NCOA1: variants seen among roughly 807,000 people sequenced by gnomAD.
NCOA1 encodes the protein Hin-2 protein.
Under a neutral mutation model 150.9 loss-of-function variants are expected in NCOA1, and 35 were observed. The ratio of observed to expected loss-of-function variants is 0.23; its 90% CI spans 0.18 to 0.31. NCOA1 has a LOEUF of 0.31. NCOA1 is among the 10% of genes least tolerant of loss of function. The pLI, the probability that NCOA1 is intolerant of heterozygous loss-of-function variation, is 1.00. For synonymous variants in NCOA1, 590 were observed against 630.0 expected, an observed-to-expected ratio of 0.94 and a Z score of 0.95; for missense variants, 1,491 against 1,749.3, an observed-to-expected ratio of 0.85 and a Z score of 2.63.
At chr2:24,761,061 T>A (rs1250509402) in intron 21 of NCOA1, among the ~76,000 whole-genome samples, 1 of 152,176 alleles carries the variant, frequency 6.6e-6, no homozygotes, top group African/African-American at 2.4e-5. Context: ...TTGGCCAGAC[T>A]GGTCTCAAAC....
chr2:24,715,617 A>G (rs962488993), intron 14 of NCOA1, among the ~76,000 whole-genome samples: 2 of 152,258 alleles, frequency 1.3e-5, no homozygotes, highest in African/African-American at 4.8e-5. Context: ...ATACAATTGG[A>G]TAATGATATA....
intron 3 of NCOA1, among the ~76,000 whole-genome samples, chr2:24,608,873 A>G (rs1046830303): frequency 1.3e-5 from 2 of 151,594 alleles, no homozygotes; most frequent in African/African-American, 4.8e-5. Context: ...TACTGGCCAG[A>G]TATTCTCTCT....
chr2:24,505,458 T>C (rs899517300), intron 1 of NCOA1, among the ~76,000 whole-genome samples: 3 of 152,170 alleles, frequency 2.0e-5, no homozygotes, highest in Admixed American at 2.0e-4. Flanking sequence ...GGATTACAAG[T>C]GTGAGCCACT....
chr2:24,742,504 G>A (rs1011283448), intron 19 of NCOA1, among the ~76,000 whole-genome samples: 4 of 151,712 alleles, frequency 2.6e-5, no homozygotes, highest in African/African-American at 9.7e-5. Context: ...TGTCCAGGCT[G>A]GGAGTGCAAT....
intron 12 of NCOA1, 143 bp downstream of exon 12, chr2:24,705,376 A>G: frequency 1.4e-6 from 1 of 734,780 alleles, no homozygotes; most frequent in Non-Finnish European, 2.1e-6. Context: ...TATAATCAAT[A>G]TATCCATATT....
intron 14 of NCOA1, among the ~76,000 whole-genome samples, chr2:24,715,167 A>G (rs967103074): frequency 6.6e-6 from 1 of 152,182 alleles, no homozygotes; most frequent in African/African-American, 2.4e-5. Flanking sequence ...TTCAAGCTAA[A>G]ATAAAATGAA....
At chr2:24,545,726 C>T (rs1180729469) in intron 1 of NCOA1, among the ~76,000 whole-genome samples, 1 of 152,188 alleles carries the variant, frequency 6.6e-6, no homozygotes, top group Non-Finnish European at 1.5e-5. Flanking sequence ...GATACTTGTA[C>T]TCTTTACGTA....
At chr2:24,727,977 C>T (rs1662786154) in intron 15 of NCOA1, among the ~76,000 whole-genome samples, 1 of 152,098 alleles carries the variant, frequency 6.6e-6, no homozygotes, top group African/African-American at 2.4e-5. Flanking sequence ...GATTTTTTCT[C>T]AGTTTTTGGC....
intron 20 of NCOA1, among the ~76,000 whole-genome samples, chr2:24,756,383 C>T (rs570549532): frequency 1.5e-3 from 234 of 152,260 alleles, no homozygotes; most frequent in African/African-American, 5.5e-3. Context: ...TGACTATTTC[C>T]TAGGCATATA....
At chr2:24,689,198 T>C (rs1672547626) in intron 8 of NCOA1, among the ~76,000 whole-genome samples, 1 of 152,196 alleles carries the variant, frequency 6.6e-6, no homozygotes, top group African/African-American at 2.4e-5. Context: ...GCCTTGGCTA[T>C]TTGGGCTCTT....
At chr2:24,626,007 C>T (rs1669392190) in intron 3 of NCOA1, among the ~76,000 whole-genome samples, 2 of 152,120 alleles carry the variant, frequency 1.3e-5, no homozygotes, top group African/African-American at 4.8e-5. Context: ...CTAAAAATGT[C>T]ACTTAGGTTG....
chr2:24,624,136 C>T (rs966772228), intron 3 of NCOA1, among the ~76,000 whole-genome samples: 8 of 151,988 alleles, frequency 5.3e-5, no homozygotes, highest in African/African-American at 1.9e-4. Flanking sequence ...CAATTGTATT[C>T]TTGGTTATTT....
At position 24,760,184 on chromosome 2, in the gene NCOA1, G is replaced by T. The variant is rs200968931; in HGVS notation, c.4065+2028G>T. ...AGATGGAGTCTCGCCCTTTAGCCCA[G>T]GCTGGAGTGTGGTGGCACAACCTCA... On this transcript the variant is annotated intron_variant, in intron 21 of 22. Transcript: ENST00000348332. Among the ~76,000 whole-genome samples the T allele has an allele frequency of 4.8e-5, 7 of 145,054 alleles. No homozygotes were observed. In the East Asian group the frequency reaches 1.4e-3, roughly 29 times the overall value.
intron 13 of NCOA1, among the ~76,000 whole-genome samples, chr2:24,710,067 C>CTTTTT (rs1558306148): frequency 1.3e-5 from 2 of 149,188 alleles, no homozygotes; most frequent in South Asian, 2.1e-4. Flanking sequence ...CCTATTTATT[C>CTTTTT]TTTTTTATTT....
At chr2:24,758,754 A>C (rs1344241922) in intron 21 of NCOA1, among the ~76,000 whole-genome samples, 1 of 151,904 alleles carries the variant, frequency 6.6e-6, no homozygotes, top group African/African-American at 2.4e-5. Context: ...AGGCCAAGGC[A>C]GATGGATCAC....
At chr2:24,737,182 A>G (rs994079155) in intron 17 of NCOA1, among the ~76,000 whole-genome samples, 1 of 152,180 alleles carries the variant, frequency 6.6e-6, no homozygotes, top group African/African-American at 2.4e-5. Context: ...TCCTTTTGGG[A>G]AGGCTATGTT....
chr2:24,553,971 G>T (rs1250067619), intron 1 of NCOA1, among the ~76,000 whole-genome samples: 2 of 152,176 alleles, frequency 1.3e-5, no homozygotes, highest in East Asian at 3.8e-4. Flanking sequence ...TATCTAAGTT[G>T]TGGAGTTTAT....
At chr2:24,729,915 A>C in intron 17 of NCOA1, 100 bp downstream of exon 17, 2 of 1,285,560 alleles carry the variant, frequency 1.6e-6, no homozygotes, top group Non-Finnish European at 2.1e-6. Flanking sequence ...GTGCTATCTC[A>C]GCCCACTGCA....
At chr2:24,697,881 T>G (rs1027325285) in intron 11 of NCOA1, 83 bp downstream of exon 11, 2 of 1,354,280 alleles carry the variant, frequency 1.5e-6, no homozygotes, top group Non-Finnish European at 2.0e-6. Flanking sequence ...TATGGCTTGA[T>G]AAGTATTTTC....
Sources: gnomAD v4.1 joint callset for allele counts (sites outside exome capture counted in the v4.1 genomes callset) on GRCh38, gnomAD v4.1.1 for gene constraint, MANE v1.5 for transcripts, NCBI Gene and HGNC (gene_info 2026-07-23, HGNC 2026-07-21) for gene names.